The following WDR75 variants were observed in gnomAD, a reference collection of about 807,000 sequenced individuals.
The protein encoded by WDR75 is WD repeat domain 75, also known as WD repeat-containing protein 75.
WDR75 carries 52 observed loss-of-function variants against 106.1 expected under a neutral mutation model. The ratio of observed to expected loss-of-function variants is 0.49; its 90% CI spans 0.39 to 0.62. The LOEUF is 0.62. Among genes scored for constraint, WDR75 ranks in the 20% least tolerant of loss-of-function variants. WDR75 has a pLI of 0.00. For missense variants in WDR75, 905 were observed against 970.3 expected, an observed-to-expected ratio of 0.93 and a Z score of 0.89; for synonymous variants, 333 against 335.5, an observed-to-expected ratio of 0.99 and a Z score of 0.08.
At chr2:189,454,197 G>T (rs537965419) in intron 4 of WDR75, among the ~76,000 whole-genome samples, 1 of 152,180 alleles carries the variant, frequency 6.6e-6, no homozygotes, top group African/African-American at 2.4e-5. Context: ...AAGGGAGGCC[G>T]GTGGAAGTGA....
Position 189,441,568 on chromosome 2 carries a change from G to A in WDR75, c.76G>A (p.Ala26Thr). 2 of 1,559,144 alleles carry A rather than the reference G, an allele frequency of 1.3e-6. No homozygotes were observed. Among genetic ancestry groups the A allele is most frequent in the Non-Finnish European group, 1.7e-6 (2 of 1,150,466 alleles). ...GAACTTTAGGAGAGCTGTGTTCTCT[G>A]CAGATTCTAAGTATGAGGGGCACCG... The part of the protein sequence containing the change: ...ELNFRRAVFS[A>T]DSKYIFCVSG... The change falls in exon 1 of 21, where the codon GCA (alanine) becomes ACA (threonine). Residue 26 changes from alanine to threonine, a missense_variant. By Grantham distance (58) the Ala-to-Thr change is moderately conservative. Coordinates refer to ENST00000314761, the MANE Select transcript of WDR75 (RefSeq NM_032168.3).
At chr2:189,443,834 C>G (rs1686437958) in intron 1 of WDR75, among the ~76,000 whole-genome samples, 1 of 152,170 alleles carries the variant, frequency 6.6e-6, no homozygotes, top group Non-Finnish European at 1.5e-5. Flanking sequence ...CAGGAAAAGA[C>G]TCTGGAAGAA....
chr2:189,442,014 T>C (rs985814054), intron 1 of WDR75, among the ~76,000 whole-genome samples: 1 of 152,216 alleles, frequency 6.6e-6, no homozygotes. Flanking sequence ...TAGTGCAGTC[T>C]TTTCGGAACT....
Position 189,459,276 on chromosome 2 carries a change from G to A in WDR75, c.690-60G>A. The A allele has an allele frequency of 1.5e-5, 18 of 1,220,220 alleles. 1 individual carries two copies. In the South Asian group the frequency reaches 2.3e-4, roughly 16 times the overall value. 75.6% of individuals were successfully genotyped at this position (1,220,220 alleles called of 1,614,324 possible). A position where few individuals can be genotyped will look rare whatever the true frequency, so the allele number is the denominator to read the frequency against. On this transcript the variant is annotated intron_variant, in intron 7 of 20. Transcript: ENST00000314761. The stretch of plus-strand genomic sequence containing the variant: ...ATATTATGTTTATTGTATTTGGCAT[G>A]CCATTGTTTTCCTAACTTAAACCTA...
chr2:189,456,749 A>G (rs1228444599), intron 5 of WDR75, among the ~76,000 whole-genome samples: 1 of 152,162 alleles, frequency 6.6e-6, no homozygotes, highest in Non-Finnish European at 1.5e-5. Flanking sequence ...TATATAAGTT[A>G]TTCCTAATTC....
At position 189,448,473 on chromosome 2, in the gene WDR75, A is replaced by G; in HGVS notation, c.181A>G (p.Thr61Ala). ...HILHGHRNLV[T>A]GIQLNPNNHL... ...ACTGCATGGACACAGAAATCTGGTGACTGGAATCCAGCTTAACCCCAACAA... is the reference window on the plus strand; with the variant it reads ...ACTGCATGGACACAGAAATCTGGTGGCTGGAATCCAGCTTAACCCCAACAA... Residue 61 changes from threonine (T) to alanine (A), a missense_variant, in exon 2 of 21, where the codon ACT (threonine) becomes GCT (alanine). Coordinates refer to ENST00000314761, the MANE Select transcript of WDR75 (RefSeq NM_032168.3). The G allele has an allele frequency of 6.2e-7, 1 of 1,614,034 alleles. No homozygotes were observed.
In WDR75 at chr2:189,469,456, CT is replaced by C; in HGVS notation, c.1819+20del. On this transcript the variant is annotated intron_variant, in intron 16 of 20. Coordinates refer to ENST00000314761, the MANE Select transcript of WDR75 (RefSeq NM_032168.3). ...GTTCAGACTGTAAGTACAAACCACA[CT>C]TTGTAGTAAGAGAACATCTATGACC... 1 of 1,569,954 alleles carries C rather than the reference CT, an allele frequency of 6.4e-7. No homozygotes were observed. The highest frequency in any genetic ancestry group is 1.1e-5 in the South Asian group (1 of 90,022).
chr2:189,464,833 T>A (rs1309007782), intron 11 of WDR75, among the ~76,000 whole-genome samples: 1 of 152,138 alleles, frequency 6.6e-6, no homozygotes, highest in Non-Finnish European at 1.5e-5. Flanking sequence ...TAGTAATCGC[T>A]AATATTCAAG....
Position 189,469,438 on chromosome 2 carries a change from C to CTA in WDR75, c.1819_1819+1insAT (p.Leu607TyrfsTer46). The stretch of plus-strand genomic sequence containing the variant: ...TCTCTCAGTCTTCAGTGGGTTCAGA[C>CTA]TGTAAGTACAAACCACACTTTGTAG... On this transcript the variant is annotated frameshift_variant and splice_region_variant, in exon 16 of 21. Transcript: ENST00000314761. LOFTEE classifies it high-confidence loss of function. 1 of 1,608,370 alleles carries CTA rather than the reference C, an allele frequency of 6.2e-7. No homozygotes were observed. The highest frequency in any genetic ancestry group is 8.5e-7 in the Non-Finnish European group (1 of 1,175,046).
At chr2:189,450,113 G>A in intron 2 of WDR75, 2 of 955,178 alleles carry the variant, frequency 2.1e-6, no homozygotes, top group Non-Finnish European at 2.5e-6. Flanking sequence ...GAATGTGAGT[G>A]TCACAAAACA....
chr2:189,474,403 C>A, intron 19 of WDR75, 71 bp downstream of exon 19: 1 of 1,501,278 alleles, frequency 6.7e-7, no homozygotes, highest in Non-Finnish European at 9.0e-7. Context: ...AGTTTTGACA[C>A]AGTCAATCTG....
intron 19 of WDR75, 66 bp from the exon 20 acceptor site, chr2:189,474,651 T>C: frequency 7.3e-7 from 1 of 1,378,204 alleles, no homozygotes; most frequent in Non-Finnish European, 1.0e-6. Context: ...GTGAGGACAC[T>C]GTAGGAACAG....
chr2:189,447,472 A>C (rs1686525102), intron 1 of WDR75, among the ~76,000 whole-genome samples: 1 of 152,202 alleles, frequency 6.6e-6, no homozygotes, highest in Non-Finnish European at 1.5e-5. Context: ...TACCATTTGT[A>C]AGCTGGTGTT....
chr2:189,469,572 T>G, intron 16 of WDR75, 133 bp downstream of exon 16: 2 of 671,314 alleles, frequency 3.0e-6, no homozygotes, highest in Non-Finnish European at 5.2e-6. Context: ...CGGCCCTTCT[T>G]TGCCCCAACA....
chr2:189,463,883 A>G lies in WDR75; in HGVS notation c.1035A>G (p.Arg345=). The G allele has an allele frequency of 6.2e-7, 1 of 1,613,936 alleles. No individual in the cohort carries two copies. Among genetic ancestry groups the G allele is most frequent in the Non-Finnish European group, 8.5e-7 (1 of 1,179,858 alleles). The change falls in exon 11 of 21, where the codon AGA becomes AGG. Residue 345 remains arginine (R), a synonymous_variant. Coordinates refer to ENST00000314761, the MANE Select transcript of WDR75 (RefSeq NM_032168.3). ...TCACTGGTTTGATGATTGATCCAAG[A>G]ACTAAAGCTTTGGTTTTGAATGGAA... The part of the protein sequence containing the change: ...SIFTGLMIDP[R]TKALVLNGKP...
intron 2 of WDR75, among the ~76,000 whole-genome samples, chr2:189,449,088 G>A (rs1361056793): frequency 2.0e-5 from 3 of 152,128 alleles, no homozygotes; most frequent in Non-Finnish European, 4.4e-5. Flanking sequence ...ATTTTCCCAC[G>A]TCCCCCACAA....
At chr2:189,475,130 T>C (rs1304250959) in intron 20 of WDR75, 83 bp from the exon 21 acceptor site, 22 of 1,047,344 alleles carry the variant, frequency 2.1e-5, no homozygotes, top group Non-Finnish European at 2.7e-5. Context: ...TGTGTGATTA[T>C]ATTTCTACAT....
chr2:189,454,495 C>G (rs114239339), intron 4 of WDR75, among the ~76,000 whole-genome samples: 9,720 of 151,758 alleles, frequency 0.064, 480 homozygotes, highest in African/African-American at 0.14. Context: ...GTAAAATGCA[C>G]CAGTAAGATA....
At chr2:189,457,924 C>CTT (rs11395971) in intron 6 of WDR75, among the ~76,000 whole-genome samples, 3,732 of 116,272 alleles carry the variant, frequency 0.032, 253 homozygotes, top group African/African-American at 0.079. Context: ...GCCAAGATTG[C>CTT]TTTTTTTTTT....
Sources: gnomAD v4.1 joint callset for allele counts (sites outside exome capture counted in the v4.1 genomes callset) on GRCh38, gnomAD v4.1.1 for gene constraint, MANE v1.5 for transcripts, NCBI Gene and HGNC (gene_info 2026-07-23, HGNC 2026-07-21) for gene names.